CDH2: variants seen among roughly 807,000 people sequenced by gnomAD.
The protein encoded by CDH2 is cadherin 2, also known as cadherin-2.
In CDH2, 17 loss-of-function variants were observed where a neutral mutation model predicts 92.0. The observed-to-expected ratio is 0.18, with a 90% CI of 0.13 to 0.28. The LOEUF is 0.28. Among genes scored for constraint, CDH2 ranks in the 10% least tolerant of loss-of-function variants. The pLI, the probability that CDH2 is intolerant of heterozygous loss-of-function variation, is 1.00. For missense variants in CDH2, 862 were observed against 1,133.1 expected (o/e 0.76, Z 3.44); for synonymous variants, 419 against 415.9 (o/e 1.01, Z -0.09).
chr18:28,111,587 C>G (rs1021276566), intron 2 of CDH2, among the ~76,000 whole-genome samples: 23 of 152,258 alleles, frequency 1.5e-4, no homozygotes, highest in African/African-American at 5.1e-4. Flanking sequence ...AAATTCAAAA[C>G]ACTGAGTTCC....
chr18:28,088,308 T>C (rs2014973303), intron 2 of CDH2, among the ~76,000 whole-genome samples: 2 of 152,206 alleles, frequency 1.3e-5, no homozygotes, highest in Admixed American at 6.5e-5. Context: ...ACTGTAGACA[T>C]AGTCTTTGCC....
intron 15 of CDH2, among the ~76,000 whole-genome samples, chr18:27,958,811 T>C (rs2011322887): frequency 6.6e-6 from 1 of 152,104 alleles, no homozygotes; most frequent in Non-Finnish European, 1.5e-5. Flanking sequence ...GCTCTCACGA[T>C]AGTGCGTTCT....
At chr18:27,965,036 T>A (rs74867100) in intron 14 of CDH2, among the ~76,000 whole-genome samples, 2 of 152,214 alleles carry the variant, frequency 1.3e-5, no homozygotes, top group East Asian at 1.9e-4. Context: ...TCTTGATAAG[T>A]GTTTTCTCAC....
intron 2 of CDH2, among the ~76,000 whole-genome samples, chr18:28,063,832 T>C (rs748973532): frequency 3.3e-5 from 5 of 152,242 alleles, no homozygotes; most frequent in Non-Finnish European, 7.3e-5. Flanking sequence ...CAGAAAGTTA[T>C]GAACAGGCTT....
intron 2 of CDH2, among the ~76,000 whole-genome samples, chr18:28,100,766 G>A (rs2015214268): frequency 6.6e-6 from 1 of 152,136 alleles, no homozygotes; most frequent in Admixed American, 6.5e-5. Context: ...TGAAACCTAA[G>A]AACTTTTTGT....
chr18:28,077,783 C>T (rs2014749547), intron 2 of CDH2, among the ~76,000 whole-genome samples: 1 of 150,748 alleles, frequency 6.6e-6, no homozygotes, highest in Non-Finnish European at 1.5e-5. Context: ...CCCAGCTACT[C>T]AGGAGGCTGA....
intron 1 of CDH2, among the ~76,000 whole-genome samples, chr18:28,157,527 A>T (rs955284102): frequency 2.0e-5 from 3 of 152,150 alleles, no homozygotes; most frequent in African/African-American, 7.2e-5. Flanking sequence ...CAATTTAGGG[A>T]CACTATTCAA....
At chr18:28,058,053 T>C (rs552483640) in intron 2 of CDH2, among the ~76,000 whole-genome samples, 8 of 152,218 alleles carry the variant, frequency 5.3e-5, no homozygotes, top group African/African-American at 7.2e-5. Flanking sequence ...AATTCTGCTA[T>C]CTGATGGACC....
At chr18:27,965,303 G>A (rs146871803) in intron 14 of CDH2, among the ~76,000 whole-genome samples, 1 of 152,282 alleles carries the variant, frequency 6.6e-6, no homozygotes, top group East Asian at 1.9e-4. Context: ...ACATACATAC[G>A]CTGATGGAAA....
intron 2 of CDH2, among the ~76,000 whole-genome samples, chr18:28,136,836 G>C (rs946405835): frequency 1.3e-5 from 2 of 151,986 alleles, no homozygotes; most frequent in Admixed American, 1.3e-4. Context: ...AGAATCACTC[G>C]GAATTCACTT....
intron 6 of CDH2, among the ~76,000 whole-genome samples, chr18:27,942,191 G>C (rs939442909): frequency 7.2e-5 from 11 of 152,158 alleles, no homozygotes; most frequent in African/African-American, 2.4e-5. Flanking sequence ...AAGTTCTTAT[G>C]GAAGTTCTGT....
chr18:28,163,414 C>T (rs1407387123), intron 1 of CDH2, among the ~76,000 whole-genome samples: 2 of 152,358 alleles, frequency 1.3e-5, no homozygotes, highest in South Asian at 2.1e-4. Context: ...GCCAGACAGG[C>T]AAATTCTCAG....
At chr18:28,126,271 G>A (rs989987554) in intron 2 of CDH2, among the ~76,000 whole-genome samples, 1 of 151,972 alleles carries the variant, frequency 6.6e-6, no homozygotes, top group African/African-American at 2.4e-5. Flanking sequence ...GGCAGGGTGG[G>A]GGACAGTTAA....
Position 28,055,837 on chromosome 18 carries a change from G to A in CDH2, c.173-41928C>T, listed in dbSNP as rs118105107. On this transcript the variant is annotated intron_variant, in intron 2 of 15. Transcript: ENST00000269141. Reference sequence around the variant, plus strand: ...TAGTTGAAAAAATATTTTTCTATGGGGAAGCCCCATATGTTGTTAGAAACT... The same window carrying A: ...TAGTTGAAAAAATATTTTTCTATGGAGAAGCCCCATATGTTGTTAGAAACT... Among the ~76,000 whole-genome samples, 1,180 of 152,062 alleles carry A rather than the reference G, an allele frequency of 7.8e-3. 7 individuals carry two copies. The highest frequency in any genetic ancestry group is 0.013 in the Non-Finnish European group (908 of 67,976).
At chr18:28,045,947 C>G (rs2014066174) in intron 2 of CDH2, among the ~76,000 whole-genome samples, 1 of 152,156 alleles carries the variant, frequency 6.6e-6, no homozygotes, top group Admixed American at 6.5e-5. Flanking sequence ...GTGACTATCA[C>G]TGGACCGACA....
intron 2 of CDH2, among the ~76,000 whole-genome samples, chr18:28,068,453 T>A (rs1259522273): frequency 2.0e-5 from 3 of 152,158 alleles, no homozygotes; most frequent in Admixed American, 6.5e-5. Context: ...CATGTCACTA[T>A]CAACACTACT....
intron 2 of CDH2, among the ~76,000 whole-genome samples, chr18:28,050,072 C>T (rs941982915): frequency 3.9e-5 from 6 of 152,250 alleles, no homozygotes; most frequent in African/African-American, 9.6e-5. Context: ...AAATCTGCAG[C>T]GTGGATCTAA....
At chr18:28,030,274 A>C (rs540286582) in intron 2 of CDH2, among the ~76,000 whole-genome samples, 1 of 152,224 alleles carries the variant, frequency 6.6e-6, no homozygotes, top group Non-Finnish European at 1.5e-5. Flanking sequence ...TGACAGAAAA[A>C]AACACGCACC....
intron 14 of CDH2, among the ~76,000 whole-genome samples, chr18:27,978,784 C>T (rs1010684576): frequency 6.6e-6 from 1 of 151,982 alleles, no homozygotes; most frequent in African/African-American, 2.4e-5. Flanking sequence ...TCCCAAGTAG[C>T]TGGGACTATA....
Sources: allele counts gnomAD v4.1 joint callset (sites outside exome capture counted in the v4.1 genomes callset), GRCh38; gene constraint gnomAD v4.1.1; transcripts MANE v1.5; gene names NCBI Gene and HGNC (gene_info 2026-07-23, HGNC 2026-07-21).